Variants in LRP1B observed in about 807,000 individuals in gnomAD.
LRP1B encodes LDL receptor related protein 1B.
A neutral mutation model predicts 556.6 loss-of-function variants in LRP1B; 217 were observed. The ratio of observed to expected loss-of-function variants is 0.39; its 90% confidence interval spans 0.35 to 0.44. The LOEUF is 0.44. Ranked by LOEUF, LRP1B falls within the 20% of genes least tolerant of loss-of-function variation. The pLI, the probability that LRP1B is intolerant of heterozygous loss-of-function variation, is 1.00. For synonymous variants in LRP1B, 2,047 were observed against 1,865.8 expected (o/e 1.10, Z -2.50); for missense variants, 5,053 against 5,620.8 (o/e 0.90, Z 3.23).
chr2:141,705,165 T>C (rs184218924), intron 2 of LRP1B, among the ~76,000 whole-genome samples: 2 of 152,102 alleles, frequency 1.3e-5, no homozygotes, highest in African/African-American at 4.8e-5. Flanking sequence ...TAAACCCAGG[T>C]AGTTTGACTC....
intron 83 of LRP1B, among the ~76,000 whole-genome samples, chr2:140,299,718 GAAA>G (rs560463911): frequency 6.6e-6 from 1 of 151,806 alleles, no homozygotes; most frequent in East Asian, 1.9e-4. Context: ...CGTGATTAAT[GAAA>G]AAAACAAGAG....
At chr2:140,869,847 G>A (rs554359720) in intron 25 of LRP1B, among the ~76,000 whole-genome samples, 5 of 152,028 alleles carry the variant, frequency 3.3e-5, no homozygotes, top group East Asian at 3.9e-4. Context: ...AAAATTTAAC[G>A]TTGATGGGTG....
intron 27 of LRP1B, among the ~76,000 whole-genome samples, chr2:140,866,861 G>A (rs568690848): frequency 3.0e-4 from 46 of 152,158 alleles, no homozygotes; most frequent in African/African-American, 1.1e-3. Flanking sequence ...GAGTTAGAAG[G>A]TCTGCTTATT....
intron 1 of LRP1B, among the ~76,000 whole-genome samples, chr2:141,992,995 C>T (rs1219401023): frequency 6.6e-6 from 1 of 152,030 alleles, no homozygotes; most frequent in Admixed American, 6.6e-5. Flanking sequence ...ATTAAATTTG[C>T]CTTTTTAATC....
At chr2:141,565,400 A>G (rs1254018653) in intron 2 of LRP1B, among the ~76,000 whole-genome samples, 1 of 152,192 alleles carries the variant, frequency 6.6e-6, no homozygotes, top group African/African-American at 2.4e-5. Context: ...GGAACTTGAC[A>G]TTATAAGTGG....
chr2:141,012,157 A>G (rs1697772145), intron 14 of LRP1B, among the ~76,000 whole-genome samples: 1 of 152,032 alleles, frequency 6.6e-6, no homozygotes, highest in African/African-American at 2.4e-5. Context: ...TTTTCACTAC[A>G]CACGTTGCAT....
chr2:141,448,995 T>C (rs756031055), intron 3 of LRP1B, among the ~76,000 whole-genome samples: 1 of 152,236 alleles, frequency 6.6e-6, no homozygotes, highest in Non-Finnish European at 1.5e-5. Context: ...GCAATATGCT[T>C]TAAGAATCTT....
At chr2:141,258,797 C>G (rs1684578475) in intron 3 of LRP1B, among the ~76,000 whole-genome samples, 1 of 152,148 alleles carries the variant, frequency 6.6e-6, no homozygotes, top group Non-Finnish European at 1.5e-5. Context: ...TCCTCCTGCT[C>G]TGGCCATGTA....
At chr2:140,802,082 T>C (rs563639080) in intron 32 of LRP1B, among the ~76,000 whole-genome samples, 33 of 152,064 alleles carry the variant, frequency 2.2e-4, no homozygotes, top group Non-Finnish European at 3.5e-4. Context: ...AGAACCGCTA[T>C]AGAAAAAAAA....
At chr2:141,855,825 T>G (rs1018510165) in intron 1 of LRP1B, among the ~76,000 whole-genome samples, 2 of 152,188 alleles carry the variant, frequency 1.3e-5, no homozygotes, top group South Asian at 2.1e-4. Flanking sequence ...ATAAAACAAC[T>G]ATTTCATACT....
At chr2:141,657,380 T>G (rs934544265) in intron 2 of LRP1B, among the ~76,000 whole-genome samples, 1 of 152,124 alleles carries the variant, frequency 6.6e-6, no homozygotes. Flanking sequence ...CAAATAAATT[T>G]TATTCTTGGC....
chr2:141,129,734 T>C (rs1281859482), intron 7 of LRP1B, among the ~76,000 whole-genome samples: 1 of 151,818 alleles, frequency 6.6e-6, no homozygotes, highest in Non-Finnish European at 1.5e-5. Flanking sequence ...GGAAGATAAT[T>C]GAATAAAATA....
At chr2:141,971,942 G>A (rs1701752726) in intron 1 of LRP1B, among the ~76,000 whole-genome samples, 1 of 151,338 alleles carries the variant, frequency 6.6e-6, no homozygotes, top group Non-Finnish European at 1.5e-5. Context: ...TATTCTCTCT[G>A]TGTAAAATCT....
At chr2:140,832,845 T>C (rs946429548) in intron 31 of LRP1B, among the ~76,000 whole-genome samples, 8 of 145,842 alleles carry the variant, frequency 5.5e-5, no homozygotes, top group Non-Finnish European at 1.2e-4. Context: ...ATGACTACAG[T>C]TAACAATAAT....
intron 9 of LRP1B, among the ~76,000 whole-genome samples, chr2:141,057,159 G>C (rs565305274): frequency 1.3e-5 from 2 of 151,740 alleles, no homozygotes; most frequent in South Asian, 2.1e-4. Context: ...TAGCCATATT[G>C]GTTCTTTAAA....
At chr2:141,886,879 G>A (rs1486362864) in intron 1 of LRP1B, among the ~76,000 whole-genome samples, 2 of 151,806 alleles carry the variant, frequency 1.3e-5, no homozygotes, top group African/African-American at 4.8e-5. Flanking sequence ...TTGTACAGAA[G>A]TTGGTTGATA....
At chr2:141,800,930 T>C (rs981425149) in intron 2 of LRP1B, among the ~76,000 whole-genome samples, 1 of 152,192 alleles carries the variant, frequency 6.6e-6, no homozygotes, top group Admixed American at 6.6e-5. Context: ...AGAAATGTAG[T>C]TCAATGACAA....
At chr2:141,293,607 G>A (rs1267784995) in intron 3 of LRP1B, among the ~76,000 whole-genome samples, 2 of 151,146 alleles carry the variant, frequency 1.3e-5, no homozygotes, top group East Asian at 3.9e-4. Flanking sequence ...TTAATTTGAT[G>A]CCAAAGATCA....
intron 2 of LRP1B, among the ~76,000 whole-genome samples, chr2:141,732,803 G>A (rs547444917): frequency 4.8e-4 from 73 of 152,186 alleles, no homozygotes; most frequent in African/African-American, 8.7e-4. Context: ...ATCTTAAACC[G>A]CATAGACTAT....
Sources: allele counts gnomAD v4.1 joint callset (sites outside exome capture counted in the v4.1 genomes callset), GRCh38; gene constraint gnomAD v4.1.1; transcripts MANE v1.5; gene names NCBI Gene and HGNC (gene_info 2026-07-23, HGNC 2026-07-21).